Variants in CCDC102B observed in about 807,000 individuals in gnomAD.
CCDC102B encodes the protein coiled-coil domain-containing protein 102B.
In CCDC102B, 75 loss-of-function variants were observed where a neutral mutation model predicts 57.4. The ratio of observed to expected loss-of-function variants is 1.31; its 90% CI spans 1.08 to 1.58. The LOEUF (loss-of-function observed/expected upper bound fraction) is 1.58, where lower values mean the gene tolerates loss of function less well. CCDC102B is among the 40% of genes most tolerant of loss of function. The pLI is 0.00. For missense variants in CCDC102B, 636 were observed against 582.6 expected, an observed-to-expected ratio of 1.09 and a Z score of -0.94; for synonymous variants, 206 against 201.9, an observed-to-expected ratio of 1.02 and a Z score of -0.17.
intron 6 of CCDC102B, among the ~76,000 whole-genome samples, chr18:68,951,579 T>C (rs1437292139): frequency 6.6e-6 from 1 of 151,998 alleles, no homozygotes; most frequent in African/African-American, 2.4e-5. Flanking sequence ...AGGCTGAGGC[T>C]AGGGGATCAC....
chr18:68,998,995 TATATAGAGAGAGAGAGAGAGAG>T (rs1277133251), intron 6 of CCDC102B, among the ~76,000 whole-genome samples: 33 of 42,566 alleles, frequency 7.8e-4, no homozygotes, highest in Admixed American at 2.9e-3. Flanking sequence ...TATATATATA[TATATAGAGAGAGAGAGAGAGAG>T]AGAGAGAGAG....
At chr18:68,864,180 T>C (rs1042796108) in intron 4 of CCDC102B, among the ~76,000 whole-genome samples, 1 of 152,042 alleles carries the variant, frequency 6.6e-6, no homozygotes, top group African/African-American at 2.4e-5. Flanking sequence ...TTTTGGATTT[T>C]AGCATTTTAT....
chr18:68,897,407 T>C lies in CCDC102B; in HGVS notation c.1242T>C (p.Ile414=). 2 of 1,611,102 alleles carry C rather than the reference T, an allele frequency of 1.2e-6. No individual in the cohort carries two copies. Among genetic ancestry groups the C allele is most frequent in the Non-Finnish European group, 8.5e-7 (1 of 1,178,608 alleles). ...GTCCTGATTTCAAGATGTCACAAAT[T>C]GATCTGCAAGAAAAAAACCAGGTAT... ...SQSPDFKMSQ[I]DLQEKNQELL... Residue 414 remains isoleucine, a synonymous_variant, in exon 6 of 8, where the codon ATT becomes ATC. Transcript: ENST00000360242.
At chr18:68,941,274 A>C (rs199957696) in intron 6 of CCDC102B, among the ~76,000 whole-genome samples, 1 of 147,266 alleles carries the variant, frequency 6.8e-6, no homozygotes, top group Non-Finnish European at 1.5e-5. Context: ...TAAAAAAAAA[A>C]CCCATGTATT....
chr18:68,746,355 C>T (rs1309979514), intron 2 of CCDC102B, among the ~76,000 whole-genome samples: 1 of 152,100 alleles, frequency 6.6e-6, no homozygotes, highest in African/African-American at 2.4e-5. Flanking sequence ...AGCTGGGAAT[C>T]CTTTTCAACT....
intron 6 of CCDC102B, among the ~76,000 whole-genome samples, chr18:68,935,704 G>A (rs1307782820): frequency 6.6e-6 from 1 of 151,888 alleles, no homozygotes; most frequent in Non-Finnish European, 1.5e-5. Context: ...TTGCCTTGAA[G>A]TTTTCAAGGT....
downstream of CCDC102B, among the ~76,000 whole-genome samples, chr18:69,056,049 C>T (rs1316596197): frequency 6.6e-6 from 1 of 152,014 alleles, no homozygotes; most frequent in African/African-American, 2.4e-5. Context: ...CATATTAACT[C>T]GTTTAATCTT....
chr18:69,053,925 T>A, intron 7 of CCDC102B, 105 bp from the exon 8 acceptor site: 1 of 877,000 alleles, frequency 1.1e-6, no homozygotes, highest in Non-Finnish European at 1.7e-6. Flanking sequence ...CAATCTATTC[T>A]CTTAGCAATT....
chr18:68,822,157 A>G (rs2036715041), intron 1 of CCDC102B, among the ~76,000 whole-genome samples: 1 of 152,152 alleles, frequency 6.6e-6, no homozygotes, highest in Admixed American at 6.5e-5. Flanking sequence ...GCACTTTGGA[A>G]ACCCAAGGCA....
chr18:68,917,411 G>A (rs1483018774), intron 6 of CCDC102B, among the ~76,000 whole-genome samples: 2 of 152,136 alleles, frequency 1.3e-5, no homozygotes, highest in Non-Finnish European at 2.9e-5. Flanking sequence ...CGGGAAAGAT[G>A]CAAAGAAAGG....
At chr18:68,716,447 A>C (rs1253990062) in intron 1 of CCDC102B, 1 of 152,232 alleles carries the variant, frequency 6.6e-6, no homozygotes, top group Non-Finnish European at 1.5e-5. Context: ...TAGTGTAGCC[A>C]CTAACCACAT....
At chr18:69,046,763 G>T (rs1188120686) in intron 7 of CCDC102B, among the ~76,000 whole-genome samples, 1 of 151,950 alleles carries the variant, frequency 6.6e-6, no homozygotes, top group African/African-American at 2.4e-5. Context: ...ATCTTGAGTT[G>T]ATTTTTGTAT....
intron 6 of CCDC102B, among the ~76,000 whole-genome samples, chr18:68,899,238 G>A (rs1236878995): frequency 6.6e-6 from 1 of 151,998 alleles, no homozygotes; most frequent in Non-Finnish European, 1.5e-5. Context: ...AACTTCCCCA[G>A]AAGCTCAAAA....
intron 2 of CCDC102B, among the ~76,000 whole-genome samples, chr18:68,790,411 G>A (rs1037255932): frequency 1.1e-4 from 17 of 151,122 alleles, no homozygotes; most frequent in Non-Finnish European, 2.2e-4. Context: ...GGGCAATGGC[G>A]GGCGCCCCTC....
intron 2 of CCDC102B, among the ~76,000 whole-genome samples, chr18:68,740,063 T>C (rs1033035292): frequency 6.6e-6 from 1 of 152,240 alleles, no homozygotes; most frequent in Non-Finnish European, 1.5e-5. Context: ...CTCAGTACTA[T>C]GGACATTCTG....
rs1568352095 is a variant in CCDC102B at position 68,956,400 on chromosome 18, A to AATG, written c.1264-54534_1264-54533insATG. Among the ~76,000 whole-genome samples, 24 of 80,630 alleles carry AATG rather than the reference A, an allele frequency of 3.0e-4. 2 individuals carry two copies. The highest frequency in any genetic ancestry group is 4.5e-3 in the Middle Eastern group (1 of 220). The allele number at this position is 80,630 out of a possible 152,430, so 52.9% of individuals were successfully genotyped here. A position where few individuals can be genotyped will look rare whatever the true frequency, so the allele number is the denominator to read the frequency against. ...TGTATAATATATAATATATATATAAATATATTTTATATATATTATATATAT... is the reference window on the plus strand; with the variant it reads ...TGTATAATATATAATATATATATAAAATGTATATTTTATATATATTATATATAT... On this transcript the variant is annotated intron_variant, in intron 6 of 7. Coordinates refer to ENST00000360242, the MANE Select transcript of CCDC102B (RefSeq NM_024781.3).
intron 6 of CCDC102B, among the ~76,000 whole-genome samples, chr18:68,984,797 AT>A (rs1418225085): frequency 2.0e-5 from 3 of 152,156 alleles, no homozygotes. Flanking sequence ...ATATCATCAT[AT>A]TAAAATGTAT....
intron 6 of CCDC102B, among the ~76,000 whole-genome samples, chr18:68,904,413 T>C (rs1465567610): frequency 2.0e-5 from 3 of 152,220 alleles, no homozygotes; most frequent in Non-Finnish European, 4.4e-5. Flanking sequence ...ATAATTTAGT[T>C]ATTGCATGAA....
chr18:69,003,865 A>G (rs2051271123), intron 6 of CCDC102B, among the ~76,000 whole-genome samples: 1 of 152,174 alleles, frequency 6.6e-6, no homozygotes, highest in African/African-American at 2.4e-5. Context: ...ACTAGATAAA[A>G]CATTAGTGGA....
Sources: gnomAD v4.1 joint callset for allele counts (sites outside exome capture counted in the v4.1 genomes callset) on GRCh38, gnomAD v4.1.1 for gene constraint, MANE v1.5 for transcripts, NCBI Gene and HGNC (gene_info 2026-07-23, HGNC 2026-07-21) for gene names.